The following RTN4IP1 variants were observed in gnomAD, a reference collection of about 807,000 sequenced individuals.
RTN4IP1 encodes the protein reticulon 4 interacting protein 1, also known as NAD(P)H oxidoreductase RTN4IP1, mitochondrial.
RTN4IP1 carries 32 observed loss-of-function variants against 46.6 expected under a neutral mutation model. That is an observed-to-expected ratio of 0.69 (90% CI 0.52 to 0.92). The LOEUF is 0.92. Among genes scored for constraint, RTN4IP1 ranks in the 40% least tolerant of loss-of-function variants. RTN4IP1 has a pLI of 0.00. For missense variants in RTN4IP1, 424 were observed against 485.8 expected (o/e 0.87, Z 1.20); for synonymous variants, 167 against 161.8 (o/e 1.03, Z -0.24).
chr6:106,627,066 C>T (rs1776667811), intron 1 of RTN4IP1, among the ~76,000 whole-genome samples: 1 of 151,768 alleles, frequency 6.6e-6, no homozygotes, highest in Non-Finnish European at 1.5e-5. Flanking sequence ...CAGTCTTCTA[C>T]TCATTATTTT....
chr6:106,609,637 T>C (rs1776174276), intron 4 of RTN4IP1, among the ~76,000 whole-genome samples: 1 of 152,278 alleles, frequency 6.6e-6, no homozygotes, highest in Admixed American at 6.5e-5. Context: ...CATTCAAGTT[T>C]CTTCCAGTAA....
At chr6:106,588,471 T>C (rs557491943) in intron 6 of RTN4IP1, among the ~76,000 whole-genome samples, 2 of 152,278 alleles carry the variant, frequency 1.3e-5, no homozygotes, top group Admixed American at 6.5e-5. Flanking sequence ...AGGTACAGCA[T>C]CAGGACAATG....
In RTN4IP1 at chr6:106,624,946, A is replaced by AAAAAAGAAAAAG. The variant is rs200539847; in HGVS notation, c.275-1989_275-1978dup. On this transcript the variant is annotated intron_variant, in intron 1 of 8. Coordinates refer to ENST00000369063, the MANE Select transcript of RTN4IP1 (RefSeq NM_032730.5). ...GCAAAGCTCTGTCTCAAAAAAAAAA[A>AAAAAAGAAAAAG]AAAAAGAAAAAGAAAAAGAAAAAGA... is the stretch of plus-strand genomic sequence containing the variant. 7.0e-4 allele frequency among the ~76,000 whole-genome samples: 93 copies of AAAAAAGAAAAAG among 133,152 alleles called. 2 individuals carry two copies. The East Asian group carries it at 0.018, about 26-fold the overall frequency. 87.4% of individuals were successfully genotyped at this position (133,152 alleles called of 152,430 possible).
chr6:106,613,821 C>T (rs1377897707), intron 4 of RTN4IP1, among the ~76,000 whole-genome samples: 5 of 152,176 alleles, frequency 3.3e-5, no homozygotes, highest in African/African-American at 1.2e-4. Flanking sequence ...GAGGCTTCAT[C>T]TGCATGACAA....
At chr6:106,593,362 G>A (rs908899542) in intron 5 of RTN4IP1, among the ~76,000 whole-genome samples, 9 of 152,142 alleles carry the variant, frequency 5.9e-5, no homozygotes, top group Admixed American at 4.6e-4. Context: ...AAAGCATTCT[G>A]CTCCAAAATT....
intron 5 of RTN4IP1, among the ~76,000 whole-genome samples, chr6:106,596,208 AG>A: frequency 5.3e-5 from 1 of 18,922 alleles, no homozygotes; most frequent in South Asian, 5.3e-3. Context: ...TACTTCTCTA[AG>A]AAGCCCTGCC....
At chr6:106,578,346 A>C (rs1176578276) in intron 8 of RTN4IP1, among the ~76,000 whole-genome samples, 1 of 152,220 alleles carries the variant, frequency 6.6e-6, no homozygotes, top group Non-Finnish European at 1.5e-5. Context: ...TCACAGCAGG[A>C]TGAGGGATAA....
At chr6:106,629,683 T>C, upstream of RTN4IP1, 1 of 1,606,146 alleles carries the variant, frequency 6.2e-7, no homozygotes, top group South Asian at 1.1e-5. Context: ...ACGAGGACCA[T>C]GCTGGGCCGG....
chr6:106,601,049 C>T (rs114274976), intron 5 of RTN4IP1, among the ~76,000 whole-genome samples: 1,879 of 152,232 alleles, frequency 0.012, 48 homozygotes, highest in African/African-American at 0.043. Context: ...TTCCCACCAG[C>T]AATGTATGAG....
At chr6:106,615,334 A>G (rs889900535) in intron 4 of RTN4IP1, among the ~76,000 whole-genome samples, 3 of 152,114 alleles carry the variant, frequency 2.0e-5, no homozygotes, top group Non-Finnish European at 4.4e-5. Context: ...TAATTCTATA[A>G]TTCTATATCA....
intron 4 of RTN4IP1, among the ~76,000 whole-genome samples, chr6:106,607,332 T>TA (rs1331582719): frequency 6.6e-6 from 1 of 151,580 alleles, no homozygotes; most frequent in Non-Finnish European, 1.5e-5. Flanking sequence ...GCAAAAATGA[T>TA]ATAGGTAAGA....
intron 8 of RTN4IP1, among the ~76,000 whole-genome samples, chr6:106,581,404 A>G (rs1775367066): frequency 6.6e-6 from 1 of 152,226 alleles, no homozygotes; most frequent in African/African-American, 2.4e-5. Flanking sequence ...TACCAACCAC[A>G]CAACACATAA....
Position 106,583,309 on chromosome 6 carries a change from G to C in RTN4IP1, c.1083+19C>G. 6.2e-7 allele frequency: 1 copy of C among 1,601,262 alleles called. No homozygotes were observed. Among genetic ancestry groups the C allele is most frequent in the Admixed American group, 1.7e-5 (1 of 59,812 alleles). ...TAGAAATACAAAGGCTTCCAATCCAGGTTTCCAGGTGCACGTACCTTTCCC... is the reference window on the plus strand; with the variant it reads ...TAGAAATACAAAGGCTTCCAATCCACGTTTCCAGGTGCACGTACCTTTCCC... On this transcript the variant is annotated intron_variant, in intron 8 of 8. Coordinates refer to ENST00000369063, the MANE Select transcript of RTN4IP1 (RefSeq NM_032730.5).
At chr6:106,585,024 G>A (rs766229887) in intron 7 of RTN4IP1, among the ~76,000 whole-genome samples, 1 of 152,238 alleles carries the variant, frequency 6.6e-6, no homozygotes, top group African/African-American at 2.4e-5. Context: ...GCCAGGGCTG[G>A]TAGAAGTCTC....
intron 4 of RTN4IP1, among the ~76,000 whole-genome samples, chr6:106,616,499 A>C (rs1328920079): frequency 6.6e-6 from 1 of 152,162 alleles, no homozygotes; most frequent in Admixed American, 6.5e-5. Flanking sequence ...GATTAGAAAA[A>C]AAAGATGATT....
intron 4 of RTN4IP1, among the ~76,000 whole-genome samples, chr6:106,612,081 A>G (rs1002197559): frequency 1.2e-4 from 18 of 152,134 alleles, no homozygotes; most frequent in Admixed American, 1.3e-4. Flanking sequence ...ACAGAAGCAG[A>G]TAGAGGGAAA....
At chr6:106,607,108 C>A (rs117965386) in intron 4 of RTN4IP1, among the ~76,000 whole-genome samples, 1 of 152,160 alleles carries the variant, frequency 6.6e-6, no homozygotes, top group East Asian at 1.9e-4. Flanking sequence ...CTATTTATAG[C>A]CAACTGATTT....
chr6:106,622,957 G>A lies in RTN4IP1; in HGVS notation c.287C>T (p.Ala96Val). The stretch of plus-strand genomic sequence containing the variant: ...ATCACGCTTCATATTTAAAGCTGTA[G>A]CTCCATAACCACCTGTAAAATACAA... ...IDVNMRSGYG[A>V]TALNMKRDPL... The change falls in exon 2 of 9, where the codon GCT (alanine) becomes GTT (valine). Residue 96 changes from alanine to valine, a missense_variant. Ala to Val is a moderately conservative substitution (Grantham distance 64, BLOSUM62 0). Transcript: ENST00000369063. 6.2e-7 allele frequency: 1 copy of A among 1,613,998 alleles called. No homozygotes were observed. Among genetic ancestry groups the A allele is most frequent in the Non-Finnish European group, 8.5e-7 (1 of 1,179,940 alleles).
rs2114611262 is a variant in RTN4IP1 at position 106,571,267 on chromosome 6, C to T, written c.*729G>A. ...TTTAGAACTTTAAGAGCTGTGGTGACCACATTATGGTGGAGGAACAAAAAA... is the reference window on the plus strand; with the variant it reads ...TTTAGAACTTTAAGAGCTGTGGTGATCACATTATGGTGGAGGAACAAAAAA... On this transcript the variant is annotated 3_prime_UTR_variant, in exon 9 of 9. Transcript: ENST00000369063. 1 of 152,272 alleles carries T rather than the reference C, an allele frequency of 6.6e-6. No homozygotes were observed. The highest frequency in any genetic ancestry group is 1.9e-4 in the East Asian group (1 of 5,194). 9.4% of individuals were successfully genotyped at this position (152,272 alleles called of 1,614,324 possible).
Sources: allele counts gnomAD v4.1 joint callset (sites outside exome capture counted in the v4.1 genomes callset), GRCh38; gene constraint gnomAD v4.1.1; transcripts MANE v1.5; gene names NCBI Gene and HGNC (gene_info 2026-07-23, HGNC 2026-07-21).